ELAPOR2: variants seen among roughly 807,000 people sequenced by gnomAD.
The protein encoded by ELAPOR2 is endosome-lysosome associated apoptosis and autophagy regulator family member 2.
A neutral mutation model predicts 120.7 loss-of-function variants in ELAPOR2; 89 were observed. That is an observed-to-expected ratio of 0.74 (90% CI 0.62 to 0.88). The LOEUF (loss-of-function observed/expected upper bound fraction) is 0.88. ELAPOR2 is among the 40% of genes least tolerant of loss of function. ELAPOR2 has a pLI of 0.00. For missense variants in ELAPOR2, 1,134 were observed against 1,251.6 expected (o/e 0.91, Z 1.42); for synonymous variants, 444 against 444.9 (o/e 1.00, Z 0.03).
chr7:86,891,117 T>C (rs1219612988), intron 21 of ELAPOR2: 1 of 152,210 alleles, frequency 6.6e-6, no homozygotes, highest in Middle Eastern at 3.4e-3. Context: ...ATATTTTACC[T>C]CACATACCTC....
At chr7:86,931,671 G>A (rs73382391) in intron 8 of ELAPOR2, among the ~76,000 whole-genome samples, 2,281 of 151,694 alleles carry the variant, frequency 0.015, 63 homozygotes, top group African/African-American at 0.051. Context: ...TAGGCTTAGA[G>A]ATTTTTTTTT....
chr7:86,998,718 T>A (rs1396402161), intron 1 of ELAPOR2, among the ~76,000 whole-genome samples: 1 of 152,226 alleles, frequency 6.6e-6, no homozygotes. Flanking sequence ...ACTAGTTCAC[T>A]TTCAGGGTTC....
chr7:86,910,734 AT>A (rs1394975352), intron 15 of ELAPOR2, among the ~76,000 whole-genome samples: 1 of 152,118 alleles, frequency 6.6e-6, no homozygotes, highest in Non-Finnish European at 1.5e-5. Context: ...AGCTTGCTCC[AT>A]AATTTCTACA....
At chr7:86,944,370 T>C (rs1159704117) in intron 4 of ELAPOR2, among the ~76,000 whole-genome samples, 1 of 152,124 alleles carries the variant, frequency 6.6e-6, no homozygotes, top group Non-Finnish European at 1.5e-5. Context: ...CATTCATTGA[T>C]GTTTTTAGAC....
chr7:86,954,656 A>G (rs1791398723), intron 2 of ELAPOR2, among the ~76,000 whole-genome samples: 1 of 152,148 alleles, frequency 6.6e-6, no homozygotes, highest in Non-Finnish European at 1.5e-5. Context: ...ATCTAGACTG[A>G]TCTTCCTCAA....
chr7:86,915,194 G>A (rs1215857901), intron 12 of ELAPOR2, among the ~76,000 whole-genome samples: 6 of 151,950 alleles, frequency 3.9e-5, no homozygotes, highest in Admixed American at 3.9e-4. Context: ...CTTAGAAGAG[G>A]AAACATAACT....
At chr7:86,891,592 T>A in intron 21 of ELAPOR2, 132 bp downstream of exon 21, 4 of 664,124 alleles carry the variant, frequency 6.0e-6, no homozygotes, top group Non-Finnish European at 1.0e-5. Context: ...CTTCTAAGAG[T>A]ATTTCTGTTG....
chr7:86,966,938 C>A (rs1791927683), intron 1 of ELAPOR2, among the ~76,000 whole-genome samples: 1 of 152,052 alleles, frequency 6.6e-6, no homozygotes, highest in Admixed American at 6.6e-5. Context: ...ATCCCAGTAA[C>A]CTCACTTTCT....
intron 10 of ELAPOR2, among the ~76,000 whole-genome samples, chr7:86,920,178 GA>G (rs1789762619): frequency 6.6e-6 from 1 of 152,154 alleles, no homozygotes; most frequent in African/African-American, 2.4e-5. Flanking sequence ...AATTTATACA[GA>G]GATGATATGT....
intron 1 of ELAPOR2, among the ~76,000 whole-genome samples, chr7:87,022,120 G>A (rs1794061833): frequency 1.3e-5 from 2 of 151,952 alleles, no homozygotes; most frequent in South Asian, 4.1e-4. Flanking sequence ...GGGTACATGT[G>A]CACAACATGC....
chr7:87,012,656 T>G (rs568168566), intron 1 of ELAPOR2, among the ~76,000 whole-genome samples: 2 of 152,286 alleles, frequency 1.3e-5, no homozygotes, highest in South Asian at 4.1e-4. Flanking sequence ...TCGGTACTTT[T>G]CAGAAAGTAT....
At chr7:86,884,171 CAA>C in intron 21 of ELAPOR2, among the ~76,000 whole-genome samples, 1 of 152,212 alleles carries the variant, frequency 6.6e-6, no homozygotes, top group Non-Finnish European at 1.5e-5. Flanking sequence ...CTATTCAAAA[CAA>C]AATTCACTAC....
At chr7:86,895,807 A>G (rs1284164622) in intron 19 of ELAPOR2, among the ~76,000 whole-genome samples, 3 of 152,162 alleles carry the variant, frequency 2.0e-5, no homozygotes, top group Non-Finnish European at 1.5e-5. Flanking sequence ...TAAACTTGGT[A>G]GCCAAAGGGA....
intron 2 of ELAPOR2, among the ~76,000 whole-genome samples, chr7:86,959,968 G>T (rs1285514270): frequency 6.6e-6 from 1 of 152,078 alleles, no homozygotes; most frequent in East Asian, 1.9e-4. Context: ...TGACCCAATG[G>T]TTGTTTAAGA....
intron 15 of ELAPOR2, among the ~76,000 whole-genome samples, chr7:86,910,879 C>T (rs1349953166): frequency 6.6e-6 from 1 of 152,058 alleles, no homozygotes; most frequent in Non-Finnish European, 1.5e-5. Flanking sequence ...ATAAATTTTT[C>T]TCCTGCTACC....
At chr7:86,936,028 T>A (rs771667009) in intron 8 of ELAPOR2, among the ~76,000 whole-genome samples, 3 of 152,006 alleles carry the variant, frequency 2.0e-5, no homozygotes, top group Admixed American at 6.6e-5. Context: ...TTGGAATCTA[T>A]ATGCCTCAAT....
At chr7:87,007,475 A>C (rs556997635) in intron 1 of ELAPOR2, among the ~76,000 whole-genome samples, 6 of 152,336 alleles carry the variant, frequency 3.9e-5, no homozygotes, top group African/African-American at 1.2e-4. Flanking sequence ...GGAATGAAAT[A>C]AGATAAAGAG....
rs11979220 is a variant in ELAPOR2 at position 86,982,355 on chromosome 7, C to T, written c.190-17331G>A. 3.2e-3 allele frequency among the ~76,000 whole-genome samples: 486 copies of T among 152,366 alleles called. 1 individual carries two copies. The highest frequency in any genetic ancestry group is 0.011 in the African/African-American group (463 of 41,588). On this transcript the variant is annotated intron_variant, in intron 1 of 21. Transcript: ENST00000450689. Reference sequence around the variant, plus strand: ...AGCTCTGAGAAAAGACAGACTGCCTCCTCAAGTGGGTCCCTGACCTCCGTG... The same window carrying T: ...AGCTCTGAGAAAAGACAGACTGCCTTCTCAAGTGGGTCCCTGACCTCCGTG...
At chr7:86,967,296 C>T (rs1363675726) in intron 1 of ELAPOR2, among the ~76,000 whole-genome samples, 1 of 152,014 alleles carries the variant, frequency 6.6e-6, no homozygotes, top group Non-Finnish European at 1.5e-5. Flanking sequence ...CCTGTCTCTA[C>T]TAAAAGTACA....
Sources: allele counts gnomAD v4.1 joint callset (sites outside exome capture counted in the v4.1 genomes callset), GRCh38; gene constraint gnomAD v4.1.1; transcripts MANE v1.5; gene names NCBI Gene and HGNC (gene_info 2026-07-23, HGNC 2026-07-21).